The following OSTN variants were observed in gnomAD, a reference collection of about 807,000 sequenced individuals.
OSTN encodes osteocrin.
A neutral mutation model predicts 12.0 loss-of-function variants in OSTN; 9 were observed. The observed-to-expected ratio is 0.75, with a 90% CI of 0.45 to 1.30. OSTN has a LOEUF of 1.30. Ranked by LOEUF, OSTN falls within the 50% of genes most tolerant of loss-of-function variation. OSTN has a pLI of 0.00. For synonymous variants in OSTN, 59 were observed against 56.9 expected, an observed-to-expected ratio of 1.04 and a Z score of -0.16; for missense variants, 148 against 152.3, an observed-to-expected ratio of 0.97 and a Z score of 0.15.
At chr3:191,250,368 T>C (rs1296424892) in intron 4 of OSTN, among the ~76,000 whole-genome samples, 1 of 152,160 alleles carries the variant, frequency 6.6e-6, no homozygotes, top group Non-Finnish European at 1.5e-5. Flanking sequence ...AAATTAATGA[T>C]TTAGTTGTTT....
intron 3 of OSTN, among the ~76,000 whole-genome samples, chr3:191,241,200 A>C (rs1715313168): frequency 2.4e-5 from 1 of 41,580 alleles, no homozygotes; most frequent in African/African-American, 6.0e-5. Flanking sequence ...TTTTTTTGAG[A>C]CGGAGCCTTG....
intron 3 of OSTN, among the ~76,000 whole-genome samples, chr3:191,236,459 G>T (rs527283818): frequency 3.3e-5 from 5 of 152,018 alleles, no homozygotes; most frequent in East Asian, 3.9e-4. Flanking sequence ...ACAAAAAAAT[G>T]CCTACTCCAT....
intron 1 of OSTN, among the ~76,000 whole-genome samples, chr3:191,208,639 A>G (rs986344514): frequency 3.3e-5 from 5 of 152,222 alleles, no homozygotes; most frequent in Non-Finnish European, 5.9e-5. Flanking sequence ...AATCATCAAT[A>G]TTGTAAACAC....
chr3:191,233,729 C>G (rs1715118361), intron 3 of OSTN, among the ~76,000 whole-genome samples: 2 of 152,216 alleles, frequency 1.3e-5, no homozygotes, highest in Admixed American at 1.3e-4. Flanking sequence ...CACTGTGGCT[C>G]ATGCCCTTAA....
At chr3:191,214,278 T>G (rs1049768646) in intron 2 of OSTN, among the ~76,000 whole-genome samples, 1 of 151,688 alleles carries the variant, frequency 6.6e-6, no homozygotes, top group Non-Finnish European at 1.5e-5. Flanking sequence ...TGAAACCCTC[T>G]CTCTACTAAA....
intron 1 of OSTN, among the ~76,000 whole-genome samples, chr3:191,201,103 T>G (rs1714142430): frequency 6.6e-6 from 1 of 152,092 alleles, no homozygotes; most frequent in Admixed American, 6.6e-5. Flanking sequence ...TTTTATTTAT[T>G]TATTTATTTT....
chr3:191,223,499 T>TA (rs1366325204), intron 3 of OSTN, among the ~76,000 whole-genome samples: 2 of 152,156 alleles, frequency 1.3e-5, no homozygotes, highest in Non-Finnish European at 2.9e-5. Context: ...AACTTTCAGG[T>TA]AAAACGTGAT....
chr3:191,253,546 G>A lies in OSTN; in HGVS notation c.*12+3413G>A, dbSNP rs1461062390. ...ATCTTAAGGTTACAGAAAGAATGCA[G>A]ACTCAGCATGACCACAACCAGGTTT... is the stretch of plus-strand genomic sequence containing the variant. On this transcript the variant is annotated intron_variant, in intron 4 of 4. Coordinates refer to ENST00000682035, the MANE Select transcript of OSTN (RefSeq NM_198184.2). Among the ~76,000 whole-genome samples, 3 of 152,240 alleles carry A rather than the reference G, an allele frequency of 2.0e-5. No individual in the cohort carries two copies. The East Asian group carries it at 5.8e-4, about 29-fold the overall frequency.
At chr3:191,225,164 G>A (rs1054202446) in intron 3 of OSTN, among the ~76,000 whole-genome samples, 2 of 151,922 alleles carry the variant, frequency 1.3e-5, no homozygotes, top group Non-Finnish European at 2.9e-5. Flanking sequence ...AGAAGAACTT[G>A]AAAAATAGGA....
chr3:191,202,556 G>A (rs1282530369), intron 1 of OSTN, among the ~76,000 whole-genome samples: 1 of 151,934 alleles, frequency 6.6e-6, no homozygotes, highest in African/African-American at 2.4e-5. Context: ...TTATTATGTT[G>A]GCTAGCTTAA....
chr3:191,201,174 T>G (rs916851173), intron 1 of OSTN, among the ~76,000 whole-genome samples: 5 of 152,140 alleles, frequency 3.3e-5, no homozygotes, highest in Admixed American at 3.3e-4. Flanking sequence ...CCTGGAGCAG[T>G]GATGCCTTCT....
intron 3 of OSTN, among the ~76,000 whole-genome samples, chr3:191,236,476 T>C (rs764523845): frequency 2.0e-5 from 3 of 151,254 alleles, no homozygotes; most frequent in Admixed American, 1.3e-4. Context: ...CCATAGAGAG[T>C]AGGGCCCAAA....
intron 3 of OSTN, among the ~76,000 whole-genome samples, chr3:191,239,244 C>G (rs1715268529): frequency 6.6e-6 from 1 of 152,232 alleles, no homozygotes; most frequent in South Asian, 2.1e-4. Context: ...CCCAAGGGCC[C>G]TGTTATGGAA....
At chr3:191,210,387 TC>T (rs1246345520) in intron 1 of OSTN, among the ~76,000 whole-genome samples, 4 of 152,138 alleles carry the variant, frequency 2.6e-5, no homozygotes, top group Non-Finnish European at 4.4e-5. Flanking sequence ...TAACAATTTT[TC>T]AAGAAAATGT....
chr3:191,237,445 G>A (rs1312793577), intron 3 of OSTN, among the ~76,000 whole-genome samples: 2 of 152,200 alleles, frequency 1.3e-5, no homozygotes, highest in African/African-American at 4.8e-5. Flanking sequence ...AGAGTGGGGT[G>A]GAAGTTTATT....
chr3:191,232,598 A>G (rs1278980634), intron 3 of OSTN, among the ~76,000 whole-genome samples: 1 of 137,522 alleles, frequency 7.3e-6, no homozygotes, highest in Non-Finnish European at 1.6e-5. Context: ...GCAGTGACTA[A>G]ATCATTTTTT....
At chr3:191,258,469 C>A (rs1158539853) in intron 4 of OSTN, among the ~76,000 whole-genome samples, 1 of 151,900 alleles carries the variant, frequency 6.6e-6, no homozygotes, top group Non-Finnish European at 1.5e-5. Flanking sequence ...GGGAGGGGAA[C>A]ATCACATACC....
In OSTN at chr3:191,262,948, T is replaced by C; in HGVS notation, c.*95T>C. ...TTCACACTTCTTAATGATTAAACTT[T>C]TAAGGAACTGACCTTCTGCAAATCC... On this transcript the variant is annotated 3_prime_UTR_variant, in exon 5 of 5. Coordinates refer to ENST00000682035, the MANE Select transcript of OSTN (RefSeq NM_198184.2). The C allele has an allele frequency of 1.4e-6, 1 of 698,442 alleles. No individual in the cohort carries two copies. Among genetic ancestry groups the C allele is most frequent in the African/African-American group, 1.7e-5 (1 of 57,316 alleles). The allele number at this position is 698,442 out of a possible 1,614,324, so 43.3% of individuals were successfully genotyped here.
At chr3:191,251,461 G>T (rs749515422) in intron 4 of OSTN, among the ~76,000 whole-genome samples, 8 of 152,108 alleles carry the variant, frequency 5.3e-5, no homozygotes, top group Admixed American at 2.0e-4. Flanking sequence ...TGCTTCTCTC[G>T]AGATAATCCT....
Sources: gnomAD v4.1 joint callset for allele counts (sites outside exome capture counted in the v4.1 genomes callset) on GRCh38, gnomAD v4.1.1 for gene constraint, MANE v1.5 for transcripts, NCBI Gene and HGNC (gene_info 2026-07-23, HGNC 2026-07-21) for gene names.